Variants in JAM2 observed in about 807,000 individuals in gnomAD.
The protein encoded by JAM2 is junctional adhesion molecule 2.
JAM2 carries 17 observed loss-of-function variants against 42.0 expected under a neutral mutation model. The ratio of observed to expected loss-of-function variants is 0.40; its 90% confidence interval spans 0.28 to 0.61. The LOEUF (loss-of-function observed/expected upper bound fraction) is 0.61. Ranked by LOEUF, JAM2 falls within the 20% of genes least tolerant of loss-of-function variation. The pLI, the probability that JAM2 is intolerant of heterozygous loss-of-function variation, is 0.37. For missense variants in JAM2, 319 were observed against 358.3 expected (o/e 0.89, Z 0.89); for synonymous variants, 118 against 128.6 (o/e 0.92, Z 0.56).
intron 6 of JAM2, among the ~76,000 whole-genome samples, chr21:25,702,639 A>G (rs1158086115): frequency 2.0e-5 from 3 of 152,224 alleles, no homozygotes; most frequent in African/African-American, 7.2e-5. Flanking sequence ...TCAGGAATGT[A>G]TATCATTGAT....
chr21:25,641,789 G>A (rs1217748622), intron 1 of JAM2, among the ~76,000 whole-genome samples: 6 of 152,162 alleles, frequency 3.9e-5, no homozygotes, highest in African/African-American at 1.4e-4. Flanking sequence ...ATGCCATCCA[G>A]GCTACCATAT....
intron 1 of JAM2, among the ~76,000 whole-genome samples, chr21:25,679,513 T>C (rs2033578943): frequency 6.6e-6 from 1 of 152,196 alleles, no homozygotes; most frequent in East Asian, 1.9e-4. Context: ...GGGGGCATGG[T>C]GATACCGGCA....
chr21:25,678,068 A>T (rs182652525), intron 1 of JAM2, among the ~76,000 whole-genome samples: 4 of 152,204 alleles, frequency 2.6e-5, no homozygotes, highest in African/African-American at 9.6e-5. Context: ...TCTACTAAAA[A>T]TACAAAAATT....
chr21:25,645,161 G>A (rs894659722), intron 1 of JAM2, among the ~76,000 whole-genome samples: 1 of 152,158 alleles, frequency 6.6e-6, no homozygotes, highest in Non-Finnish European at 1.5e-5. Flanking sequence ...GATTACAGGC[G>A]TGAGCCACCG....
chr21:25,663,143 A>G (rs1319983215), intron 1 of JAM2, among the ~76,000 whole-genome samples: 1 of 152,202 alleles, frequency 6.6e-6, no homozygotes, highest in Non-Finnish European at 1.5e-5. Context: ...GCAGAGAGCC[A>G]GAGTGTCTGG....
At chr21:25,696,281 G>T (rs899153524) in intron 4 of JAM2, among the ~76,000 whole-genome samples, 1 of 152,134 alleles carries the variant, frequency 6.6e-6, no homozygotes, top group Non-Finnish European at 1.5e-5. Flanking sequence ...CCAGGCGCTC[G>T]GCAGGCTGAG....
At chr21:25,686,786 C>T (rs2033761190) in intron 2 of JAM2, among the ~76,000 whole-genome samples, 1 of 152,162 alleles carries the variant, frequency 6.6e-6, no homozygotes, top group African/African-American at 2.4e-5. Context: ...AACTTGAGCC[C>T]TGAGAATGAA....
intron 3 of JAM2, among the ~76,000 whole-genome samples, chr21:25,692,748 CAGTT>C (rs1035430604): frequency 3.3e-5 from 5 of 152,118 alleles, no homozygotes; most frequent in East Asian, 1.9e-4. Flanking sequence ...AGAAAAAGGT[CAGTT>C]AAATATTAGA....
At chr21:25,645,867 A>G (rs1357488796) in intron 1 of JAM2, among the ~76,000 whole-genome samples, 2 of 152,214 alleles carry the variant, frequency 1.3e-5, no homozygotes, top group Non-Finnish European at 2.9e-5. Context: ...GTATTTGTGT[A>G]CCTAAACATA....
intron 1 of JAM2, among the ~76,000 whole-genome samples, chr21:25,652,614 T>C (rs1240333092): frequency 6.6e-6 from 1 of 152,194 alleles, no homozygotes; most frequent in Non-Finnish European, 1.5e-5. Flanking sequence ...TTATAGGAAA[T>C]ACAAATCAGT....
rs201754791 is a variant in JAM2, at chr21:25,657,099, A to AT, written c.67+17221dup. Among the ~76,000 whole-genome samples, 278 of 149,934 alleles carry AT rather than the reference A, an allele frequency of 1.9e-3. 2 individuals are homozygous for AT. Among genetic ancestry groups the AT allele is most frequent in the South Asian group, 9.3e-3 (44 of 4,728 alleles). On this transcript the variant is annotated intron_variant, in intron 1 of 9. Coordinates refer to ENST00000480456, the MANE Select transcript of JAM2 (RefSeq NM_021219.4). ...TTCAGAGAACAATGGACTTAGATCTATTTTTTTTTTCTTTTTTGGGATGGG... is the reference window on the plus strand; with the variant it reads ...TTCAGAGAACAATGGACTTAGATCTATTTTTTTTTTTCTTTTTTGGGATGGG...
At chr21:25,650,765 A>G (rs78194931) in intron 1 of JAM2, among the ~76,000 whole-genome samples, 18,616 of 152,190 alleles carry the variant, frequency 0.12, 1,557 homozygotes, top group East Asian at 0.38. Context: ...TAAAGCCTCT[A>G]TAAGTAAAAT....
At chr21:25,680,661 A>G (rs1446922363) in intron 1 of JAM2, among the ~76,000 whole-genome samples, 1 of 152,232 alleles carries the variant, frequency 6.6e-6, no homozygotes, top group Non-Finnish European at 1.5e-5. Context: ...GACAGATTGG[A>G]GCTGGAGATG....
chr21:25,714,940 G>A lies in JAM2; in HGVS notation c.*268G>A. 2 of 301,780 alleles carry A rather than the reference G, an allele frequency of 6.6e-6. No individual in the cohort carries two copies. Among genetic ancestry groups the A allele is most frequent in the Non-Finnish European group, 6.1e-6 (1 of 165,142 alleles). 18.7% of individuals were successfully genotyped at this position (301,780 alleles called of 1,614,324 possible). The stretch of plus-strand genomic sequence containing the variant: ...TGTAATGTCCTGGGCTTTGGGAAAT[G>A]TTAACCACGTCCTAACTTCTAGAGA... On this transcript the variant is annotated 3_prime_UTR_variant, in exon 10 of 10. Transcript: ENST00000480456.
chr21:25,684,591 G>A (rs2033708722), intron 2 of JAM2, among the ~76,000 whole-genome samples: 1 of 152,010 alleles, frequency 6.6e-6, no homozygotes, highest in Non-Finnish European at 1.5e-5. Flanking sequence ...CATTGTTGTT[G>A]TTGTTGTTTT....
At chr21:25,657,837 G>A (rs1362774906) in intron 1 of JAM2, among the ~76,000 whole-genome samples, 2 of 152,136 alleles carry the variant, frequency 1.3e-5, no homozygotes, top group Non-Finnish European at 2.9e-5. Context: ...CTAAGAACAT[G>A]TTTTAAAATT....
chr21:25,640,269 C>T (rs1269875633), intron 1 of JAM2, among the ~76,000 whole-genome samples: 1 of 152,164 alleles, frequency 6.6e-6, no homozygotes, highest in Non-Finnish European at 1.5e-5. Flanking sequence ...GATGGCATCA[C>T]TGGGAGGCGG....
chr21:25,667,638 TG>T (rs2033256543), intron 1 of JAM2, among the ~76,000 whole-genome samples: 1 of 152,180 alleles, frequency 6.6e-6, no homozygotes, highest in Admixed American at 6.5e-5. Context: ...AGACATCCAC[TG>T]GGGGTCTTGG....
intron 1 of JAM2, among the ~76,000 whole-genome samples, chr21:25,647,235 G>T (rs2032640665): frequency 1.3e-5 from 2 of 151,970 alleles, no homozygotes; most frequent in East Asian, 3.9e-4. Context: ...AAACAGAGCA[G>T]TAAGTTTACA....
Sources: allele counts gnomAD v4.1 joint callset (sites outside exome capture counted in the v4.1 genomes callset), GRCh38; gene constraint gnomAD v4.1.1; transcripts MANE v1.5; gene names NCBI Gene and HGNC (gene_info 2026-07-23, HGNC 2026-07-21).